Variants in MUSK observed in about 807,000 individuals in gnomAD.
MUSK encodes muscle associated receptor tyrosine kinase.
MUSK carries 55 observed loss-of-function variants against 88.7 expected under a neutral mutation model. That is an observed-to-expected ratio of 0.62 (90% CI 0.50 to 0.78). The LOEUF (loss-of-function observed/expected upper bound fraction) is 0.78, where lower values mean the gene tolerates loss of function less well. Ranked by LOEUF, MUSK falls within the 30% of genes least tolerant of loss-of-function variation. The probability of loss-of-function intolerance (pLI) is 0.00; values close to 1 mark genes in which losing one functional copy is unlikely to be tolerated. For synonymous variants in MUSK, 387 were observed against 391.9 expected, an observed-to-expected ratio of 0.99 and a Z score of 0.15; for missense variants, 1,015 against 1,074.3, an observed-to-expected ratio of 0.94 and a Z score of 0.77.
At chr9:110,677,362 C>G (rs993004135) in intron 1 of MUSK, among the ~76,000 whole-genome samples, 1 of 152,212 alleles carries the variant, frequency 6.6e-6, no homozygotes, top group Non-Finnish European at 1.5e-5. Context: ...AACATGACCT[C>G]CTCATCAGGA....
At chr9:110,691,909 A>C (rs773382010) in intron 3 of MUSK, among the ~76,000 whole-genome samples, 1 of 152,178 alleles carries the variant, frequency 6.6e-6, no homozygotes, top group Non-Finnish European at 1.5e-5. Context: ...TGCTGCATGC[A>C]GAATGAGAGT....
At chr9:110,749,651 C>G (rs182123522) in intron 7 of MUSK, among the ~76,000 whole-genome samples, 1 of 152,104 alleles carries the variant, frequency 6.6e-6, no homozygotes, top group Non-Finnish European at 1.5e-5. Context: ...TTGAGAAGTG[C>G]GGCAAGCTGT....
intron 5 of MUSK, among the ~76,000 whole-genome samples, chr9:110,722,715 C>A (rs2076830268): frequency 6.6e-6 from 1 of 151,494 alleles, no homozygotes; most frequent in Non-Finnish European, 1.5e-5. Flanking sequence ...AAAATCCCAT[C>A]AAAAAGTGGG....
chr9:110,784,922 A>G lies in MUSK; in HGVS notation c.1492A>G (p.Ile498Val). Reference protein sequence around the residue: ...VSPTYSMTVIISIMSSFAIFV... With the variant: ...VSPTYSMTVIVSIMSSFAIFV... Reference sequence around the variant, plus strand: ...ACCTACATACTCCATGACTGTAATAATCTCCATCATGTCCAGCTTTGCAAT... The same window carrying G: ...ACCTACATACTCCATGACTGTAATAGTCTCCATCATGTCCAGCTTTGCAAT... Residue 498 changes from isoleucine to valine, a missense_variant, in exon 12 of 15, where the codon ATC becomes GTC. Coordinates refer to ENST00000374448, the MANE Select transcript of MUSK (RefSeq NM_005592.4). 1 of 1,613,808 alleles carries G rather than the reference A, an allele frequency of 6.2e-7. No homozygotes were observed. Among genetic ancestry groups the G allele is most frequent in the East Asian group, 2.2e-5 (1 of 44,864 alleles).
In MUSK at chr9:110,755,410, T is replaced by C. The variant is rs532527629; in HGVS notation, c.914-6792T>C. Among the ~76,000 whole-genome samples the C allele has an allele frequency of 1.1e-4, 17 of 152,354 alleles. No homozygotes were observed. In the East Asian group the frequency reaches 2.9e-3, roughly 26 times the overall value. On this transcript the variant is annotated intron_variant, in intron 7 of 14. Transcript: ENST00000374448. ...GAGGTAACAAAGACCTGAGGCTATATGTGTAACCAGTGTATTGAACAATTT... is the reference window on the plus strand; with the variant it reads ...GAGGTAACAAAGACCTGAGGCTATACGTGTAACCAGTGTATTGAACAATTT...
intron 6 of MUSK, among the ~76,000 whole-genome samples, chr9:110,741,388 G>C (rs2077095914): frequency 6.6e-6 from 1 of 152,066 alleles, no homozygotes; most frequent in Non-Finnish European, 1.5e-5. Context: ...CTCTAAAGCA[G>C]GGTGCCCTAG....
intron 2 of MUSK, among the ~76,000 whole-genome samples, chr9:110,684,880 A>T (rs910356302): frequency 1.3e-5 from 2 of 152,046 alleles, no homozygotes; most frequent in Non-Finnish European, 1.5e-5. Context: ...GGAGTATTTA[A>T]GTTTTTCCAA....
At chr9:110,781,321 G>C (rs2077752258) in intron 11 of MUSK, among the ~76,000 whole-genome samples, 1 of 152,030 alleles carries the variant, frequency 6.6e-6, no homozygotes. Context: ...CTGTCGCCCA[G>C]GCTGGAGTGC....
At chr9:110,785,873 ATG>A (rs2077849396) in intron 13 of MUSK, among the ~76,000 whole-genome samples, 155 bp downstream of exon 13, 1 of 148,746 alleles carries the variant, frequency 6.7e-6, no homozygotes, top group African/African-American at 2.5e-5. Context: ...GTACATATAT[ATG>A]TACACTGTGT....
chr9:110,700,803 A>G (rs1310493600), intron 5 of MUSK, among the ~76,000 whole-genome samples: 2 of 152,142 alleles, frequency 1.3e-5, no homozygotes, highest in Non-Finnish European at 1.5e-5. Flanking sequence ...GGGTGACCAC[A>G]TGTTCTGGTT....
intron 9 of MUSK, among the ~76,000 whole-genome samples, chr9:110,771,562 T>C (rs2077575697): frequency 6.6e-6 from 1 of 152,188 alleles, no homozygotes; most frequent in African/African-American, 2.4e-5. Context: ...TTCATCCACA[T>C]TGCTACATGT....
intron 3 of MUSK, among the ~76,000 whole-genome samples, chr9:110,689,536 T>TATATAGTTAC (rs1346418126): frequency 9.4e-6 from 1 of 106,824 alleles, no homozygotes; most frequent in Non-Finnish European, 1.7e-5. Context: ...TATATATAAA[T>TATATAGTTAC]ATATAGTTAT....
chr9:110,731,440 G>T (rs2076961568), intron 5 of MUSK, among the ~76,000 whole-genome samples: 2 of 152,038 alleles, frequency 1.3e-5, no homozygotes, highest in African/African-American at 4.8e-5. Flanking sequence ...TCTCCTTTGA[G>T]AAGGGAGGAA....
chr9:110,689,719 G>A (rs1191317394), intron 3 of MUSK, among the ~76,000 whole-genome samples: 9,737 of 21,284 alleles, frequency 0.46, 1,443 homozygotes, highest in African/African-American at 0.55. Flanking sequence ...AACTATATAT[G>A]TTATATATAG....
chr9:110,669,031 A>C, intron 1 of MUSK, 48 bp downstream of exon 1: 1 of 1,512,632 alleles, frequency 6.6e-7, no homozygotes, highest in Non-Finnish European at 9.2e-7. Flanking sequence ...ATGGTTGTAA[A>C]GTGTGTGTAT....
chr9:110,686,970 A>T, intron 2 of MUSK, 147 bp from the exon 3 acceptor site: 2 of 638,220 alleles, frequency 3.1e-6, no homozygotes, highest in Non-Finnish European at 5.3e-6. Flanking sequence ...TTATCAAGTA[A>T]GGTTATTCTA....
intron 6 of MUSK, among the ~76,000 whole-genome samples, chr9:110,744,931 G>A (rs944216355): frequency 6.6e-6 from 1 of 152,094 alleles, no homozygotes; most frequent in Non-Finnish European, 1.5e-5. Flanking sequence ...CCTGAGGTGC[G>A]AAAAAATATC....
chr9:110,687,012 C>G, intron 2 of MUSK, 105 bp from the exon 3 acceptor site: 1 of 1,145,100 alleles, frequency 8.7e-7, no homozygotes, highest in Non-Finnish European at 1.3e-6. Flanking sequence ...TTCCTCTCAC[C>G]TTTATTCTAC....
At chr9:110,694,407 CAA>C (rs1206302969) in intron 3 of MUSK, among the ~76,000 whole-genome samples, 1 of 105,318 alleles carries the variant, frequency 9.5e-6, no homozygotes, top group Non-Finnish European at 1.9e-5. Context: ...AAAAAAAAAA[CAA>C]AAAAACAAAA....
Sources: gnomAD v4.1 joint callset for allele counts (sites outside exome capture counted in the v4.1 genomes callset) on GRCh38, gnomAD v4.1.1 for gene constraint, MANE v1.5 for transcripts, NCBI Gene and HGNC (gene_info 2026-07-23, HGNC 2026-07-21) for gene names.